The following RAPGEF1 variants were observed in gnomAD, a reference collection of about 807,000 sequenced individuals.
The protein encoded by RAPGEF1 is CRK SH3-binding GNRP.
In RAPGEF1, 33 loss-of-function variants were observed where a neutral mutation model predicts 143.3. The observed-to-expected ratio is 0.23, with a 90% CI of 0.17 to 0.31. The LOEUF (loss-of-function observed/expected upper bound fraction) is 0.31. Among genes scored for constraint, RAPGEF1 ranks in the 10% least tolerant of loss-of-function variants. The pLI is 1.00. For missense variants in RAPGEF1, 1,199 were observed against 1,645.4 expected (o/e 0.73, Z 4.69); for synonymous variants, 629 against 676.5 (o/e 0.93, Z 1.09).
intron 1 of RAPGEF1, among the ~76,000 whole-genome samples, chr9:131,723,327 C>T (rs1192012506): frequency 2.6e-5 from 4 of 152,224 alleles, no homozygotes; most frequent in African/African-American, 4.8e-5. Context: ...GTGATTACCA[C>T]TTATTACCAC....
chr9:131,716,838 C>T (rs578091208), intron 1 of RAPGEF1, among the ~76,000 whole-genome samples: 2 of 152,286 alleles, frequency 1.3e-5, no homozygotes, highest in African/African-American at 2.4e-5. Flanking sequence ...GTCCTAAGTA[C>T]GTGGATTGGC....
At chr9:131,627,891 C>T (rs1430958406) in intron 9 of RAPGEF1, 22 bp downstream of exon 9, 5 of 1,568,552 alleles carry the variant, frequency 3.2e-6, no homozygotes, top group African/African-American at 1.4e-5. Context: ...CACGATGGAA[C>T]AGGAGGATGG....
At chr9:131,582,267 A>G (rs908993247) in intron 25 of RAPGEF1, among the ~76,000 whole-genome samples, 2 of 152,120 alleles carry the variant, frequency 1.3e-5, no homozygotes, top group African/African-American at 2.4e-5. Context: ...GAGGAGCCAT[A>G]CATCTGTCAC....
At chr9:131,620,800 C>A (rs1960700951) in intron 11 of RAPGEF1, among the ~76,000 whole-genome samples, 1 of 152,194 alleles carries the variant, frequency 6.6e-6, no homozygotes, top group South Asian at 2.1e-4. Context: ...CGGAGTAATC[C>A]AGGGACATTT....
chr9:131,712,192 G>A (rs1589080335), intron 1 of RAPGEF1, among the ~76,000 whole-genome samples: 1 of 152,170 alleles, frequency 6.6e-6, no homozygotes, highest in South Asian at 2.1e-4. Context: ...AGATTAAACT[G>A]CAGCCACAAA....
intron 1 of RAPGEF1, among the ~76,000 whole-genome samples, chr9:131,731,483 A>T (rs1329650372): frequency 2.0e-5 from 3 of 152,214 alleles, no homozygotes; most frequent in Non-Finnish European, 4.4e-5. Flanking sequence ...CTAAGTGGCT[A>T]TTTAACACGG....
At chr9:131,627,712 T>G (rs1396455791) in intron 9 of RAPGEF1, among the ~76,000 whole-genome samples, 1 of 152,220 alleles carries the variant, frequency 6.6e-6, no homozygotes, top group East Asian at 1.9e-4. Flanking sequence ...CATTGTGATT[T>G]CATTTACATG....
chr9:131,679,375 A>C (rs192416106), intron 1 of RAPGEF1, among the ~76,000 whole-genome samples: 33 of 152,294 alleles, frequency 2.2e-4, no homozygotes, highest in African/African-American at 7.9e-4. Context: ...AGTGCTACAA[A>C]AAGGACCTCA....
chr9:131,680,568 G>C, intron 1 of RAPGEF1, among the ~76,000 whole-genome samples: 1 of 152,346 alleles, frequency 6.6e-6, no homozygotes, highest in Middle Eastern at 3.4e-3. Context: ...CTTAAGCCAC[G>C]AACAATAGCA....
intron 1 of RAPGEF1, among the ~76,000 whole-genome samples, chr9:131,717,433 T>C (rs950506282): frequency 2.0e-5 from 3 of 152,070 alleles, no homozygotes; most frequent in Non-Finnish European, 4.4e-5. Context: ...TCTGGTGAAA[T>C]AGCAGCCGAC....
At chr9:131,658,288 G>T (rs1973073783) in intron 1 of RAPGEF1, among the ~76,000 whole-genome samples, 3 of 152,288 alleles carry the variant, frequency 2.0e-5, no homozygotes, top group African/African-American at 7.2e-5. Flanking sequence ...GGCACCTGGG[G>T]TTGCCAGACA....
rs780610392 is a variant in RAPGEF1, at chr9:131,584,877, C to A, written c.3234-281G>T. Among the ~76,000 whole-genome samples the A allele has an allele frequency of 6.6e-6, 1 of 152,208 alleles. No homozygotes were observed. Among genetic ancestry groups the A allele is most frequent in the Non-Finnish European group, 1.5e-5 (1 of 68,042 alleles). ...GGGGGCTTCGAATCTGCAGGTGGAG[C>A]ATGGGAGGATGAAAGCAGAGCCTTT... On this transcript the variant is annotated intron_variant, in intron 22 of 26. Transcript: ENST00000683357. The surrounding 1 kb of genome is among the most constrained non-coding windows in gnomAD (Gnocchi z 6.8).
chr9:131,628,940 AG>A lies in RAPGEF1; in HGVS notation c.893+161del, dbSNP rs964202726. Among the ~76,000 whole-genome samples the A allele has an allele frequency of 3.9e-5, 6 of 152,220 alleles. No individual in the cohort carries two copies. Among genetic ancestry groups the A allele is most frequent in the South Asian group, 2.1e-4 (1 of 4,822 alleles). On this transcript the variant is annotated intron_variant, in intron 7 of 26. Coordinates refer to ENST00000683357, the MANE Select transcript of RAPGEF1 (RefSeq NM_001377935.1). This position sits in a 1 kb window ranked among gnomAD's most constrained non-coding sequence, Gnocchi z 5.7. ...CACAAGGAGGCCTTCAGGAGAGCTC[AG>A]GGTGGCCAGCGAGGGCCGGCGGGGT...
intron 10 of RAPGEF1, among the ~76,000 whole-genome samples, chr9:131,623,627 C>T (rs560669833): frequency 5.3e-5 from 8 of 152,304 alleles, no homozygotes; most frequent in African/African-American, 1.9e-4. Flanking sequence ...ATTTTAGAGG[C>T]CTTGCTCCTA....
intron 18 of RAPGEF1, among the ~76,000 whole-genome samples, chr9:131,591,360 C>A (rs1474032919): frequency 6.6e-6 from 1 of 152,174 alleles, no homozygotes; most frequent in South Asian, 2.1e-4. Context: ...AGATGGCAGC[C>A]GTGGGCTATG....
chr9:131,579,987 A>G (rs554389978), intron 26 of RAPGEF1, among the ~76,000 whole-genome samples: 4 of 152,310 alleles, frequency 2.6e-5, no homozygotes, highest in African/African-American at 9.6e-5. Flanking sequence ...CCCTTCTCAC[A>G]GCAAGGTGGG....
At chr9:131,588,725 T>TG in intron 20 of RAPGEF1, 76 bp downstream of exon 20, 1 of 1,430,348 alleles carries the variant, frequency 7.0e-7, no homozygotes, top group Non-Finnish European at 9.4e-7. Context: ...GCTGTGGGGC[T>TG]GGCAGGGAGG....
intron 17 of RAPGEF1, among the ~76,000 whole-genome samples, chr9:131,593,266 C>A (rs1398332748): frequency 6.6e-6 from 1 of 152,190 alleles, no homozygotes; most frequent in Non-Finnish European, 1.5e-5. Flanking sequence ...CCCAGACTTT[C>A]CAGAATTACA....
chr9:131,690,128 T>C (rs1833676494), intron 1 of RAPGEF1, among the ~76,000 whole-genome samples: 1 of 152,206 alleles, frequency 6.6e-6, no homozygotes, highest in African/African-American at 2.4e-5. Context: ...ACTCCCTAGT[T>C]TTCACTAGAA....
Sources: gnomAD v4.1 joint callset for allele counts (sites outside exome capture counted in the v4.1 genomes callset) on GRCh38, gnomAD v4.1.1 for gene constraint, Gnocchi (gnomAD v3.1) non-coding constraint, MANE v1.5 for transcripts, NCBI Gene and HGNC (gene_info 2026-07-23, HGNC 2026-07-21) for gene names.